Variants in ERC2 observed in about 807,000 individuals in gnomAD.
ERC2 encodes ERC protein 2.
A neutral mutation model predicts 114.8 loss-of-function variants in ERC2; 42 were observed. The observed-to-expected ratio is 0.37, with a 90% CI of 0.29 to 0.47. The LOEUF (loss-of-function observed/expected upper bound fraction) is 0.47, where lower values mean the gene tolerates loss of function less well. Among genes scored for constraint, ERC2 ranks in the 20% least tolerant of loss-of-function variants. The pLI, the probability that ERC2 is intolerant of heterozygous loss-of-function variation, is 0.99. For missense variants in ERC2, 939 were observed against 1,150.7 expected (o/e 0.82, Z 2.66); for synonymous variants, 454 against 425.5 (o/e 1.07, Z -0.82).
At chr3:55,591,553 G>T (rs2057881831) in intron 17 of ERC2, among the ~76,000 whole-genome samples, 1 of 149,888 alleles carries the variant, frequency 6.7e-6, no homozygotes, top group Non-Finnish European at 1.5e-5. Context: ...CGAGGAGAAT[G>T]ACCCCTCAGA....
chr3:55,683,680 G>A, intron 17 of ERC2, 114 bp downstream of exon 17: 1 of 883,076 alleles, frequency 1.1e-6, no homozygotes, highest in Non-Finnish European at 1.8e-6. Context: ...ACAGAACACA[G>A]TAGCAAACAC....
intron 13 of ERC2, among the ~76,000 whole-genome samples, chr3:55,899,756 G>T (rs989420018): frequency 9.2e-5 from 14 of 152,074 alleles, no homozygotes; most frequent in Admixed American, 9.2e-4. Flanking sequence ...AGAGGGAAAT[G>T]TATCAAAATA....
At position 56,400,734 on chromosome 3, in the gene ERC2, C is replaced by T. The variant is rs80203719; in HGVS notation, c.657+33617G>A. 2.5e-3 allele frequency among the ~76,000 whole-genome samples: 385 copies of T among 152,276 alleles called. 2 individuals carry two copies. Among genetic ancestry groups the T allele is most frequent in the African/African-American group, 8.6e-3 (358 of 41,560 alleles). ...AACAAAACTCTAATGAATGACTTTG[C>T]TAATACCTGTTTTTACTATGTTCAT... On this transcript the variant is annotated intron_variant, in intron 2 of 17. Transcript: ENST00000288221.
At chr3:55,696,648 AT>A (rs1242020634) in intron 16 of ERC2, among the ~76,000 whole-genome samples, 1 of 152,260 alleles carries the variant, frequency 6.6e-6, no homozygotes, top group Non-Finnish European at 1.5e-5. Flanking sequence ...ATTGATAACT[AT>A]TATCCATTGA....
chr3:56,125,344 A>C (rs1188430894), intron 6 of ERC2, among the ~76,000 whole-genome samples: 1 of 152,218 alleles, frequency 6.6e-6, no homozygotes, highest in Admixed American at 6.5e-5. Context: ...CTTTATTTAG[A>C]AATCTGAACT....
At chr3:56,282,582 T>C (rs1235503199) in intron 3 of ERC2, among the ~76,000 whole-genome samples, 1 of 145,390 alleles carries the variant, frequency 6.9e-6, no homozygotes, top group Non-Finnish European at 1.5e-5. Context: ...AATAGGACAA[T>C]GTCAGCACCT....
intron 17 of ERC2, among the ~76,000 whole-genome samples, chr3:55,555,897 G>C (rs1333012716): frequency 6.6e-6 from 1 of 152,198 alleles, no homozygotes; most frequent in Non-Finnish European, 1.5e-5. Context: ...CAGCAGGAAA[G>C]AGCAGCCCAT....
chr3:56,033,549 T>G (rs572504915), intron 7 of ERC2, among the ~76,000 whole-genome samples: 4 of 152,228 alleles, frequency 2.6e-5, no homozygotes, highest in Non-Finnish European at 5.9e-5. Context: ...CTAGCATTTC[T>G]TGTAAGGCAT....
chr3:55,629,407 T>C (rs1016086265), intron 17 of ERC2, among the ~76,000 whole-genome samples: 2 of 152,246 alleles, frequency 1.3e-5, no homozygotes, highest in Non-Finnish European at 2.9e-5. Context: ...CATTGAAACT[T>C]ACAGTGACTT....
chr3:55,753,483 C>T (rs2066853777), intron 14 of ERC2, among the ~76,000 whole-genome samples: 1 of 152,230 alleles, frequency 6.6e-6, no homozygotes, highest in Admixed American at 6.5e-5. Flanking sequence ...CTATCAGGGG[C>T]ATCCCTACTC....
intron 3 of ERC2, among the ~76,000 whole-genome samples, chr3:56,179,277 G>A (rs576950303): frequency 6.6e-6 from 1 of 152,140 alleles, no homozygotes; most frequent in East Asian, 1.9e-4. Flanking sequence ...TGAGGGATGG[G>A]GTAAGTAGAA....
intron 16 of ERC2, among the ~76,000 whole-genome samples, chr3:55,689,441 T>C (rs1446707182): frequency 6.6e-6 from 1 of 152,070 alleles, no homozygotes; most frequent in Non-Finnish European, 1.5e-5. Flanking sequence ...AACAATATTG[T>C]TTGGGAGCTT....
intron 3 of ERC2, among the ~76,000 whole-genome samples, chr3:56,240,471 T>C (rs961294670): frequency 6.6e-6 from 1 of 152,190 alleles, no homozygotes; most frequent in African/African-American, 2.4e-5. Context: ...GCTGAGTAAA[T>C]GTAAATGTAA....
chr3:56,080,739 T>C, intron 7 of ERC2, 78 bp downstream of exon 7: 1 of 1,437,840 alleles, frequency 7.0e-7, no homozygotes, highest in East Asian at 2.3e-5. Context: ...ATCACTTATT[T>C]TCCATGTGCT....
rs116195225 is a variant in ERC2, at chr3:55,945,751, T to C, written c.2403+4674A>G. Among the ~76,000 whole-genome samples, 946 of 152,146 alleles carry C rather than the reference T, an allele frequency of 6.2e-3. 15 individuals are homozygous for C. The highest frequency in any genetic ancestry group is 0.022 in the African/African-American group (909 of 41,512). On this transcript the variant is annotated intron_variant, in intron 13 of 17. Coordinates refer to ENST00000288221, the MANE Select transcript of ERC2 (RefSeq NM_015576.3). ...AAAAGGACAAGAATAAATGAGAACA[T>C]TCATTTGCTTTTTAAAATGATCACA...
At chr3:56,035,117 A>T (rs1280983851) in intron 7 of ERC2, among the ~76,000 whole-genome samples, 2 of 152,144 alleles carry the variant, frequency 1.3e-5, no homozygotes, top group Admixed American at 1.3e-4. Context: ...AATAAATAAA[A>T]TTATAAATGA....
rs887685733 is a variant in ERC2, at chr3:56,254,097, C to T, written c.1074+41922G>A. Among the ~76,000 whole-genome samples, 5 of 152,346 alleles carry T rather than the reference C, an allele frequency of 3.3e-5. No homozygotes were observed. In the South Asian group the frequency reaches 8.3e-4, roughly 25 times the overall value. ...TTTAGATGGATTGGGAGAGGGCTAG[C>T]GCCCAAGTTTCAAACCTGGCACAGC... On this transcript the variant is annotated intron_variant, in intron 3 of 17. Transcript: ENST00000288221.
chr3:56,007,151 G>A, intron 10 of ERC2, 30 bp downstream of exon 10: 1 of 1,524,116 alleles, frequency 6.6e-7, no homozygotes. Flanking sequence ...TTTTAAATAA[G>A]CATGATTCTT....
intron 13 of ERC2, among the ~76,000 whole-genome samples, chr3:55,893,243 G>A (rs749708184): frequency 1.2e-4 from 19 of 152,036 alleles, no homozygotes; most frequent in Non-Finnish European, 2.2e-4. Flanking sequence ...CGACACTTAG[G>A]AACTTATTCC....
Sources: gnomAD v4.1 joint callset for allele counts (sites outside exome capture counted in the v4.1 genomes callset) on GRCh38, gnomAD v4.1.1 for gene constraint, MANE v1.5 for transcripts, NCBI Gene and HGNC (gene_info 2026-07-23, HGNC 2026-07-21) for gene names.